Variants in MON1A observed in about 807,000 individuals in gnomAD.
MON1A encodes the protein MON1 vesicular trafficking associated A.
In MON1A, 29 loss-of-function variants were observed where a neutral mutation model predicts 44.6. The ratio of observed to expected loss-of-function variants is 0.65; its 90% CI spans 0.48 to 0.89. MON1A has a LOEUF of 0.89. Among genes scored for constraint, MON1A ranks in the 40% least tolerant of loss-of-function variants. The pLI is 0.00. For missense variants in MON1A, 615 were observed against 759.6 expected, an observed-to-expected ratio of 0.81 and a Z score of 2.24; for synonymous variants, 275 against 316.4, an observed-to-expected ratio of 0.87 and a Z score of 1.39.
rs766623338 is a variant in MON1A, at chr3:49,911,894, G to A, written c.245C>T (p.Pro82Leu). ...GATCTGGCGCATGTCTGTAGGCAGC[G>A]GCGGGGGACCCCTGGTACCCTCCTT... ...SHKEGTRGPP[P>L]LPTDMRQISQ... The change falls in exon 3 of 6, where the codon CCG (proline) becomes CTG (leucine). Residue 82 changes from proline (P) to leucine (L), a missense_variant. Pro to Leu is a moderately conservative substitution (Grantham distance 98). Transcript: ENST00000296473. This position sits in a 1 kb window ranked among gnomAD's most constrained non-coding sequence, Gnocchi z 5.7. 21 of 1,613,886 alleles carry A rather than the reference G, an allele frequency of 1.3e-5. No homozygotes were observed. Among genetic ancestry groups the A allele is most frequent in the South Asian group, 6.6e-5 (6 of 91,092 alleles).
chr3:49,913,750 C>G (rs188180506), intron 1 of MON1A, among the ~76,000 whole-genome samples: 36 of 150,998 alleles, frequency 2.4e-4, no homozygotes, highest in East Asian at 2.3e-3. Flanking sequence ...GCAGCCTCCC[C>G]CTCCGGGGTT....
chr3:49,917,990 G>C (rs868720647), intron 1 of MON1A, among the ~76,000 whole-genome samples: 5 of 151,768 alleles, frequency 3.3e-5, no homozygotes, highest in Non-Finnish European at 4.4e-5. Context: ...GGAAGTTGTG[G>C]TGAGCCGAGA....
At position 49,909,029 on chromosome 3, in the gene MON1A, C is replaced by T. The variant is rs774290948; in HGVS notation, c.1653G>A (p.Thr551=). The change falls in exon 6 of 6, where the codon ACG becomes ACA. Residue 551 remains threonine, a synonymous_variant. Coordinates refer to ENST00000296473, the MANE Select transcript of MON1A (RefSeq NM_032355.4). The surrounding 1 kb of genome is among the most constrained non-coding windows in gnomAD (Gnocchi z 4.0). ...RKEEDRLFIL[T]PLTY ...CACATTCCCATCAATAGGTGAGGGG[C>T]GTGAGAATGAAGAGGCGGTCTTCCT... 3 of 1,613,160 alleles carry T rather than the reference C, an allele frequency of 1.9e-6. No individual in the cohort carries two copies. The highest frequency in any genetic ancestry group is 2.2e-5 in the East Asian group (1 of 44,860).
In MON1A at chr3:49,910,351, A is replaced by C. The variant is rs753657449; in HGVS notation, c.1147T>G (p.Ser383Ala). 14 of 1,614,082 alleles carry C rather than the reference A, an allele frequency of 8.7e-6. No individual in the cohort carries two copies. Among genetic ancestry groups the C allele is most frequent in the Non-Finnish European group, 1.2e-5 (14 of 1,180,044 alleles). ...NAAGFFHAHI[S>A]YLEPDTDLCL... ...AGGTCAGTGTCAGGCTCTAGGTAAG[A>C]GATGTGTGCGTGGAAGAAGCCGGCT... is the stretch of plus-strand genomic sequence containing the variant. The change falls in exon 4 of 6, where the codon TCT (serine) becomes GCT (alanine). Residue 383 changes from serine (S) to alanine (A), a missense_variant. Ser to Ala is a moderately conservative substitution (Grantham distance 99). Coordinates refer to ENST00000296473, the MANE Select transcript of MON1A (RefSeq NM_032355.4). This position sits in a 1 kb window ranked among gnomAD's most constrained non-coding sequence, Gnocchi z 8.0.
intron 1 of MON1A, chr3:49,923,988 A>G (rs1339202453): frequency 6.6e-6 from 1 of 151,890 alleles, no homozygotes; most frequent in Non-Finnish European, 1.5e-5. Flanking sequence ...AAGCTGAGAC[A>G]GGAGAATTGC....
At chr3:49,913,749 C>T (rs1270344425) in intron 1 of MON1A, among the ~76,000 whole-genome samples, 3 of 149,256 alleles carry the variant, frequency 2.0e-5, no homozygotes, top group Non-Finnish European at 4.5e-5. Flanking sequence ...TGCAGCCTCC[C>T]CCTCCGGGGT....
At chr3:49,914,660 G>T (rs544615412) in intron 1 of MON1A, among the ~76,000 whole-genome samples, 24 of 146,196 alleles carry the variant, frequency 1.6e-4, no homozygotes, top group African/African-American at 4.8e-4. Context: ...CAATTCTCCT[G>T]CCTCAGCCTT....
Position 49,911,005 on chromosome 3 carries a change from G to C in MON1A, c.614-121C>G. 1 of 969,818 alleles carries C rather than the reference G, an allele frequency of 1.0e-6. No homozygotes were observed. The allele number at this position is 969,818 out of a possible 1,614,324, so 60.1% of individuals were successfully genotyped here. Reference sequence around the variant, plus strand: ...CTCGCTCAGAGCTCTGCGCACAGTAGGGGTTTAAGGATGTTCAGGATAAAA... The same window carrying C: ...CTCGCTCAGAGCTCTGCGCACAGTACGGGTTTAAGGATGTTCAGGATAAAA... On this transcript the variant is annotated intron_variant, in intron 3 of 5. Transcript: ENST00000296473. This position sits in a 1 kb window ranked among gnomAD's most constrained non-coding sequence, Gnocchi z 5.7.
chr3:49,912,964 G>A (rs984599491), intron 2 of MON1A: 11 of 606,748 alleles, frequency 1.8e-5, no homozygotes, highest in South Asian at 1.0e-4. Context: ...GGGGAGGTGC[G>A]CTGTAGACAC....
At chr3:49,922,578 G>A (rs2083010568) in intron 1 of MON1A, among the ~76,000 whole-genome samples, 1 of 142,088 alleles carries the variant, frequency 7.0e-6, no homozygotes, top group Non-Finnish European at 1.5e-5. Flanking sequence ...AAGGAGGGAA[G>A]GAAGGAAAGA....
Position 49,911,839 on chromosome 3 carries a change from C to T in MON1A, c.300G>A (p.Gln100=). The change falls in exon 3 of 6, where the codon CAG becomes CAA. Residue 100 remains glutamine (Q), a synonymous_variant. Transcript: ENST00000296473. The surrounding 1 kb of genome is among the most constrained non-coding windows in gnomAD (Gnocchi z 5.7). The part of the protein sequence containing the change: ...ISQDFSELST[Q]LTGVARDLQE... ...GCAGGTCCCGGGCCACACCCGTCAG[C>T]TGGGTGCTTAGCTCGCTAAAGTCCT... 1 of 1,614,118 alleles carries T rather than the reference C, an allele frequency of 6.2e-7. No homozygotes were observed. Among genetic ancestry groups the T allele is most frequent in the African/African-American group, 1.3e-5 (1 of 75,060 alleles).
chr3:49,924,636 C>G (rs192774681), intron 1 of MON1A: 2 of 183,378 alleles, frequency 1.1e-5, no homozygotes, highest in South Asian at 1.3e-4. Flanking sequence ...GAGCTGAGAT[C>G]GCACTGCTGC....
intron 1 of MON1A, among the ~76,000 whole-genome samples, chr3:49,914,283 G>T (rs1243378367): frequency 6.6e-6 from 1 of 151,342 alleles, no homozygotes; most frequent in Non-Finnish European, 1.5e-5. Context: ...GGGTTTCTCT[G>T]TGTTGGTCAG....
At chr3:49,926,919 C>T (rs2108540987) in intron 1 of MON1A, among the ~76,000 whole-genome samples, 1 of 152,094 alleles carries the variant, frequency 6.6e-6, no homozygotes, top group Admixed American at 6.6e-5. Flanking sequence ...GCTGGGATTA[C>T]AGGTGTGTAC....
In MON1A at chr3:49,910,810, G is replaced by C. The variant is rs748239781; in HGVS notation, c.688C>G (p.Gln230Glu). ...VAVARTRQSAQELAQELLYIY... is the reference protein window; with the variant it reads ...VAVARTRQSAEELAQELLYIY... Reference sequence around the variant, plus strand: ...TAGAGCAGCTCCTGCGCCAGCTCTTGTGCCGACTGCCGCGTACGAGCCACC... The same window carrying C: ...TAGAGCAGCTCCTGCGCCAGCTCTTCTGCCGACTGCCGCGTACGAGCCACC... Residue 230 changes from glutamine (Q) to glutamate (E), a missense_variant, in exon 4 of 6, where the codon CAA (glutamine) becomes GAA (glutamate). Physicochemically the swap from Gln to Glu is conservative, Grantham distance 29 (BLOSUM62 2). Coordinates refer to ENST00000296473, the MANE Select transcript of MON1A (RefSeq NM_032355.4). The surrounding 1 kb of genome is among the most constrained non-coding windows in gnomAD (Gnocchi z 8.0). 3 of 1,613,486 alleles carry C rather than the reference G, an allele frequency of 1.9e-6. No individual in the cohort carries two copies. Among genetic ancestry groups the C allele is most frequent in the Non-Finnish European group, 2.5e-6 (3 of 1,179,982 alleles).
At chr3:49,915,428 C>A (rs565939700) in intron 1 of MON1A, among the ~76,000 whole-genome samples, 1 of 152,278 alleles carries the variant, frequency 6.6e-6, no homozygotes, top group Admixed American at 6.5e-5. Flanking sequence ...ACTAGAGAGA[C>A]TAACATGAGA....
Position 49,912,933 on chromosome 3 carries a change from G to A in MON1A, c.127+287C>T, listed in dbSNP as rs558438985. On this transcript the variant is annotated intron_variant, in intron 2 of 5. Transcript: ENST00000296473. ...AGCATGGTCAGAGCAGGCCTAACTC[G>A]TGAGGAGGGGAGAAGGAGCCGGGGA... 566 of 530,016 alleles carry A rather than the reference G, an allele frequency of 1.1e-3. 6 individuals carry two copies. Among genetic ancestry groups the A allele is most frequent in the South Asian group, 9.9e-3 (534 of 53,868 alleles). 32.8% of individuals were successfully genotyped at this position (530,016 alleles called of 1,614,324 possible). A position where few individuals can be genotyped will look rare whatever the true frequency, so the allele number is the denominator to read the frequency against.
chr3:49,921,027 G>T (rs1277621429), intron 1 of MON1A, among the ~76,000 whole-genome samples: 1 of 150,942 alleles, frequency 6.6e-6, no homozygotes, highest in African/African-American at 2.4e-5. Context: ...GTGGTGGCAC[G>T]TGTCTGTGGT....
At chr3:49,922,639 GAAGGAAAAGAAGA>G (rs1559495939) in intron 1 of MON1A, among the ~76,000 whole-genome samples, 1 of 150,716 alleles carries the variant, frequency 6.6e-6, no homozygotes, top group African/African-American at 2.4e-5. Flanking sequence ...AGGAAGAAAG[GAAGGAAAAGAAGA>G]AAGGAAAGAA....
Sources: allele counts gnomAD v4.1 joint callset (sites outside exome capture counted in the v4.1 genomes callset), GRCh38; gene constraint gnomAD v4.1.1; non-coding constraint Gnocchi (gnomAD v3.1); transcripts MANE v1.5; gene names NCBI Gene and HGNC (gene_info 2026-07-23, HGNC 2026-07-21).